RPN2: variants seen among roughly 807,000 people sequenced by gnomAD.
The protein encoded by RPN2 is ribophorin II.
In RPN2, 29 loss-of-function variants were observed where a neutral mutation model predicts 71.4. The ratio of observed to expected loss-of-function variants is 0.41; its 90% CI spans 0.30 to 0.55. The LOEUF (loss-of-function observed/expected upper bound fraction) is 0.55. Among genes scored for constraint, RPN2 ranks in the 20% least tolerant of loss-of-function variants. The probability of loss-of-function intolerance (pLI) is 0.35; values close to 1 mark genes in which losing one functional copy is unlikely to be tolerated. For synonymous variants in RPN2, 308 were observed against 305.0 expected (o/e 1.01, Z -0.10); for missense variants, 726 against 774.1 (o/e 0.94, Z 0.74).
At chr20:37,189,978 A>G (rs549377621) in intron 2 of RPN2, among the ~76,000 whole-genome samples, 5 of 152,288 alleles carry the variant, frequency 3.3e-5, no homozygotes, top group African/African-American at 1.2e-4. Flanking sequence ...GGGAGAGAGA[A>G]AGAGCAAATT....
intron 2 of RPN2, among the ~76,000 whole-genome samples, chr20:37,190,561 A>G (rs1288798849): frequency 6.6e-6 from 1 of 152,216 alleles, no homozygotes; most frequent in African/African-American, 2.4e-5. Context: ...ATGTGGTAAT[A>G]CGTAGTATTA....
intron 16 of RPN2, among the ~76,000 whole-genome samples, chr20:37,239,573 A>ATTTGTTTG (rs77568639): frequency 6.7e-6 from 1 of 149,432 alleles, no homozygotes; most frequent in African/African-American, 2.4e-5. Flanking sequence ...AGGGAACTGC[A>ATTTGTTTG]TTTGTTTGTT....
At chr20:37,228,411 C>G (rs1226814140) in intron 11 of RPN2, 139 bp from the exon 12 acceptor site, 56 of 806,838 alleles carry the variant, frequency 6.9e-5, no homozygotes, top group Admixed American at 4.3e-4. Flanking sequence ...CTTCTACTCT[C>G]TGGGGCAGGT....
At chr20:37,179,430 C>T in intron 1 of RPN2, 61 bp downstream of exon 1, 6 of 351,198 alleles carry the variant, frequency 1.7e-5, no homozygotes, top group East Asian at 2.2e-4. Context: ...TACTAGTCGC[C>T]GCTCGAGAGC....
chr20:37,216,229 C>T (rs180924838), intron 9 of RPN2, among the ~76,000 whole-genome samples: 231 of 152,136 alleles, frequency 1.5e-3, no homozygotes, highest in Admixed American at 0.013. Context: ...ATCCCAGCTA[C>T]TCGGGAGGCT....
chr20:37,229,253 A>T (rs2068168328), intron 12 of RPN2, among the ~76,000 whole-genome samples: 1 of 152,224 alleles, frequency 6.6e-6, no homozygotes, highest in Admixed American at 6.5e-5. Context: ...TGCATGCCTC[A>T]CTTTGGATTG....
At chr20:37,202,895 G>C (rs910228844) in intron 4 of RPN2, among the ~76,000 whole-genome samples, 1 of 152,092 alleles carries the variant, frequency 6.6e-6, no homozygotes, top group Non-Finnish European at 1.5e-5. Context: ...GGGCTAAGGG[G>C]AGACACAATG....
chr20:37,234,855 A>AT (rs1000552526), intron 15 of RPN2, among the ~76,000 whole-genome samples: 4 of 151,874 alleles, frequency 2.6e-5, no homozygotes, highest in African/African-American at 9.7e-5. Flanking sequence ...TAGTATTTGT[A>AT]TTTTTTGTAG....
intron 2 of RPN2, among the ~76,000 whole-genome samples, chr20:37,188,677 G>T (rs2067069965): frequency 6.6e-6 from 1 of 151,306 alleles, no homozygotes; most frequent in Admixed American, 6.6e-5. Context: ...GAGTGCAGTG[G>T]TGCGATCATG....
Position 37,198,975 on chromosome 20 carries a change from A to G in RPN2, c.304-75A>G, listed in dbSNP as rs2067317220. On this transcript the variant is annotated intron_variant, in intron 3 of 16. Transcript: ENST00000237530. ...GAGGTGACTTTGGCAGCTGCTCCGCATTCTGTCTTTGCCATGCCTGCCACA... is the reference window on the plus strand; with the variant it reads ...GAGGTGACTTTGGCAGCTGCTCCGCGTTCTGTCTTTGCCATGCCTGCCACA... 4 of 1,214,786 alleles carry G rather than the reference A, an allele frequency of 3.3e-6. 1 individual carries two copies. The South Asian group carries it at 3.6e-5, about 11-fold the overall frequency. The allele number at this position is 1,214,786 out of a possible 1,614,324, so 75.3% of individuals were successfully genotyped here.
intron 16 of RPN2, chr20:37,238,303 C>A: frequency 1.1e-6 from 1 of 910,678 alleles, no homozygotes; most frequent in Non-Finnish European, 1.8e-6. Context: ...ATCAGTGACC[C>A]TAATGGAAGC....
chr20:37,209,089 T>A (rs555778965), intron 7 of RPN2, among the ~76,000 whole-genome samples: 1 of 152,360 alleles, frequency 6.6e-6, no homozygotes, highest in East Asian at 1.9e-4. Context: ...GCTCAACTGC[T>A]TAACTGGCCA....
chr20:37,232,188 C>A, intron 13 of RPN2, 108 bp from the exon 14 acceptor site: 1 of 1,359,992 alleles, frequency 7.4e-7, no homozygotes, highest in Non-Finnish European at 1.1e-6. Flanking sequence ...AGCCTCTGGG[C>A]GGCATATCCT....
chr20:37,215,484 G>A (rs2067784593), intron 9 of RPN2, among the ~76,000 whole-genome samples: 1 of 152,148 alleles, frequency 6.6e-6, no homozygotes, highest in East Asian at 1.9e-4. Context: ...CCTATGTTAA[G>A]AGGACTTATT....
At chr20:37,217,373 A>C (rs1265691041) in intron 9 of RPN2, among the ~76,000 whole-genome samples, 2 of 148,370 alleles carry the variant, frequency 1.3e-5, no homozygotes, top group African/African-American at 5.0e-5. Flanking sequence ...GCTCACTGGA[A>C]CCTCCGCCTC....
chr20:37,238,302 C>T, intron 16 of RPN2: 1 of 901,794 alleles, frequency 1.1e-6, no homozygotes, highest in Non-Finnish European at 1.8e-6. Context: ...AATCAGTGAC[C>T]CTAATGGAAG....
intron 10 of RPN2, 96 bp from the exon 11 acceptor site, chr20:37,225,592 G>A: frequency 2.5e-6 from 2 of 806,546 alleles, no homozygotes; most frequent in Non-Finnish European, 4.3e-6. Context: ...CTATGGGAGA[G>A]GGTGGTTGAG....
intron 2 of RPN2, among the ~76,000 whole-genome samples, chr20:37,188,902 C>T (rs1457834954): frequency 6.7e-6 from 1 of 150,326 alleles, no homozygotes; most frequent in African/African-American, 2.5e-5. Flanking sequence ...GGATTATGGA[C>T]ATGAACCACT....
At chr20:37,201,443 C>T (rs1319235445) in intron 4 of RPN2, among the ~76,000 whole-genome samples, 2 of 152,196 alleles carry the variant, frequency 1.3e-5, no homozygotes, top group African/African-American at 4.8e-5. Flanking sequence ...TGCCACCACA[C>T]CCAGCCATAA....
Sources: gnomAD v4.1 joint callset for allele counts (sites outside exome capture counted in the v4.1 genomes callset) on GRCh38, gnomAD v4.1.1 for gene constraint, MANE v1.5 for transcripts, NCBI Gene and HGNC (gene_info 2026-07-23, HGNC 2026-07-21) for gene names.